The following TBC1D26 variants were observed in gnomAD, a reference collection of about 807,000 sequenced individuals.
TBC1D26 encodes the protein TBC1 domain family, member 26.
Under a neutral mutation model 42.5 loss-of-function variants are expected in TBC1D26, and 19 were observed. That is an observed-to-expected ratio of 0.45 (90% CI 0.31 to 0.66). The LOEUF is 0.66. Among genes scored for constraint, TBC1D26 ranks in the 30% least tolerant of loss-of-function variants. The pLI, the probability that TBC1D26 is intolerant of heterozygous loss-of-function variation, is 0.06. For synonymous variants in TBC1D26, 97 were observed against 123.5 expected (o/e 0.79, Z 1.42); for missense variants, 228 against 332.6 (o/e 0.69, Z 2.45).
chr17:15,741,388 C>T, intron 10 of TBC1D26, 167 bp downstream of exon 10: 1 of 1,261,534 alleles, frequency 7.9e-7, no homozygotes, highest in Middle Eastern at 2.8e-4. Flanking sequence ...GGTCCTACAG[C>T]AGCCTGGGTC....
intron 2 of TBC1D26, 55 bp from the exon 3 acceptor site, chr17:15,735,293 C>G (rs1324007725): frequency 7.3e-7 from 1 of 1,372,898 alleles, no homozygotes; most frequent in Admixed American, 1.9e-5. Context: ...TGTGGTTTGG[C>G]TGTTCTCTGG....
At chr17:15,741,587 A>G (rs1967782078) in intron 10 of TBC1D26, 2 of 457,740 alleles carry the variant, frequency 4.4e-6, no homozygotes, top group Non-Finnish European at 3.9e-6. Flanking sequence ...CTCCCTACAG[A>G]TGGGCCAACA....
chr17:15,742,271 G>A (rs1480751994), intron 11 of TBC1D26, 143 bp from the exon 12 acceptor site: 6 of 544,244 alleles, frequency 1.1e-5, no homozygotes, highest in South Asian at 2.1e-5. Context: ...TGTGTCCACC[G>A]GGCGTCCGTG....
In TBC1D26 at chr17:15,740,108, A is replaced by C. The variant is rs371149965; in HGVS notation, c.506A>C (p.Glu169Ala). 3.7e-6 allele frequency: 6 copies of C among 1,612,848 alleles called. No homozygotes were observed. In the African/African-American group the frequency reaches 8.0e-5, roughly 22 times the overall value. The change falls in exon 9 of 15, where the codon GAA becomes GCA. Residue 169 changes from glutamate to alanine, a missense_variant. Physicochemically the swap from Glu to Ala is moderately radical, Grantham distance 107. Coordinates refer to ENST00000437605, the MANE Select transcript of TBC1D26 (RefSeq NM_001388465.1). ...TTTCCCCTCTTTTCTAGGCAGCAGG[A>C]ATTATGTGACATCCTCGTGGCCTAT... ...FIQRFGVKQQ[E>A]LCDILVAYSA...
chr17:15,737,873 C>A lies in TBC1D26; in HGVS notation c.199-124C>A, dbSNP rs1306549190. 6 of 1,246,988 alleles carry A rather than the reference C, an allele frequency of 4.8e-6. No homozygotes were observed. In the Admixed American group the frequency reaches 7.6e-5, roughly 16 times the overall value. The allele number at this position is 1,246,988 out of a possible 1,614,324, so 77.2% of individuals were successfully genotyped here. A position where few individuals can be genotyped will look rare whatever the true frequency, so the allele number is the denominator to read the frequency against. On this transcript the variant is annotated intron_variant, in intron 5 of 14. Coordinates refer to ENST00000437605, the MANE Select transcript of TBC1D26 (RefSeq NM_001388465.1). ...CTTCAGAGGGTCTCAGCCCCTGGGG[C>A]CTGCCCTTTCCTGGCTTCTTCAAGT...
intron 13 of TBC1D26, 35 bp from the exon 14 acceptor site, chr17:15,743,332 G>A (rs1310688379): frequency 8.1e-6 from 8 of 982,614 alleles, no homozygotes; most frequent in Non-Finnish European, 8.5e-6. Flanking sequence ...CCCTCCCAGG[G>A]AACCCTCCTG....
In TBC1D26 at chr17:15,741,947, T is replaced by A. The variant is rs75518324; in HGVS notation, c.652T>A (p.Tyr218Asn). The A allele has an allele frequency of 1.2e-3, 1,871 of 1,613,974 alleles. 4 individuals carry two copies. The African/African-American group carries it at 0.021, about 18-fold the overall frequency. ...ATGGGTCGCGGGCTTCTCAGTATTCTACAGCCCAAATACTGCCTGGCTCGA... is the reference window on the plus strand; with the variant it reads ...ATGGGTCGCGGGCTTCTCAGTATTCAACAGCCCAAATACTGCCTGGCTCGA... ...WALTQLLAVF[Y>N]SPNTAWLERL... Residue 218 changes from tyrosine (Y) to asparagine (N), a missense_variant, in exon 11 of 15, where the codon TAC becomes AAC. Tyr to Asn is a moderately radical substitution (Grantham distance 143). Coordinates refer to ENST00000437605, the MANE Select transcript of TBC1D26 (RefSeq NM_001388465.1).
intron 11 of TBC1D26, 34 bp from the exon 12 acceptor site, chr17:15,742,380 A>AG: frequency 5.2e-6 from 2 of 385,362 alleles, no homozygotes; most frequent in Non-Finnish European, 9.6e-6. Context: ...AGGGCAGCCC[A>AG]GGGGGCCCTG....
At position 15,735,394 on chromosome 17, in the gene TBC1D26, G is replaced by A. The variant is rs1967586590; in HGVS notation, c.46G>A (p.Gly16Ser). 6.2e-7 allele frequency: 1 copy of A among 1,613,766 alleles called. No individual in the cohort carries two copies. Among genetic ancestry groups the A allele is most frequent in the Non-Finnish European group, 8.5e-7 (1 of 1,179,814 alleles). The stretch of plus-strand genomic sequence containing the variant: ...GTATAACCTGCCTGCCCAGGGGCAA[G>A]GCAATATCATCATTACTAAGTATGA... ...DPYNLPAQGQ[G>S]NIIITKYEQG... The change falls in exon 3 of 15, where the codon GGC (glycine) becomes AGC (serine). Residue 16 changes from glycine to serine, a missense_variant. Around this residue, in one of 5 missense-constraint regions of TBC1D26, gnomAD observed 18 missense variants for 22.5 expected, o/e 0.80. Coordinates refer to ENST00000437605, the MANE Select transcript of TBC1D26 (RefSeq NM_001388465.1).
chr17:15,740,691 A>T, intron 9 of TBC1D26: 2 of 1,086,316 alleles, frequency 1.8e-6, no homozygotes, highest in Admixed American at 4.8e-5. Flanking sequence ...TGGAGGACCC[A>T]GCCACCCCTT....
At chr17:15,736,945 C>T (rs1007772435) in intron 4 of TBC1D26, among the ~76,000 whole-genome samples, 17 of 152,146 alleles carry the variant, frequency 1.1e-4, no homozygotes, top group Non-Finnish European at 1.8e-4. Context: ...GCAGGGTGAG[C>T]GGCCAGGATG....
intron 10 of TBC1D26, 169 bp downstream of exon 10, chr17:15,741,390 G>A: frequency 8.0e-7 from 1 of 1,253,114 alleles, no homozygotes; most frequent in Non-Finnish European, 1.1e-6. Context: ...TCCTACAGCA[G>A]CCTGGGTCTG....
At position 15,741,965 on chromosome 17, in the gene TBC1D26, T is replaced by C. The variant is rs771647420; in HGVS notation, c.670T>C (p.Trp224Arg). The change falls in exon 11 of 15, where the codon TGG (tryptophan) becomes CGG (arginine). Residue 224 changes from tryptophan to arginine, a missense_variant. Trp to Arg is a moderately radical substitution (Grantham distance 101). This residue lies in a region of TBC1D26 where 130 missense variants were observed against 168.5 expected (regional missense o/e 0.77). Transcript: ENST00000437605. ...AGTATTCTACAGCCCAAATACTGCC[T>C]GGCTCGAGAGGCTCCTATCGCACCA... ...LAVFYSPNTA[W>R]LERLLSHQEQ... 2.5e-6 allele frequency: 4 copies of C among 1,614,098 alleles called. No homozygotes were observed. Among genetic ancestry groups the C allele is most frequent in the Non-Finnish European group, 3.4e-6 (4 of 1,179,992 alleles).
At chr17:15,733,884 T>C (rs1186208426) in intron 1 of TBC1D26, 1 of 152,260 alleles carries the variant, frequency 6.6e-6, no homozygotes, top group East Asian at 1.9e-4. Context: ...TCTGGTTCTG[T>C]GGTGCATGAA....
chr17:15,742,538 T>C (rs2003514), intron 12 of TBC1D26, 59 bp downstream of exon 12: 115,919 of 187,462 alleles, frequency 0.62, 36,231 homozygotes, highest in African/African-American at 0.69. Flanking sequence ...GTGCCCAGCT[T>C]CCTCAGCTCA....
rs369605314 is a variant in TBC1D26 at position 15,743,396 on chromosome 17, G to C, written c.937G>C (p.Val313Leu). ...KHLMKLSWST[V>L]WEFQERLSQS... ...CCTCATGAAGCTTTCCTGGAGCACTGTCTGGGAGTTTCAGGAGCGACTCTC... is the reference window on the plus strand; with the variant it reads ...CCTCATGAAGCTTTCCTGGAGCACTCTCTGGGAGTTTCAGGAGCGACTCTC... Residue 313 changes from valine to leucine, a missense_variant, in exon 14 of 15, where the codon GTC becomes CTC. Val to Leu is a conservative substitution (Grantham distance 32). Around this residue, in one of 5 missense-constraint regions of TBC1D26, gnomAD observed 130 missense variants for 168.5 expected, o/e 0.77. Transcript: ENST00000437605. The C allele has an allele frequency of 1.5e-5, 15 of 986,820 alleles. No homozygotes were observed. The highest frequency in any genetic ancestry group is 1.1e-4 in the East Asian group (1 of 8,824). 61.1% of individuals were successfully genotyped at this position (986,820 alleles called of 1,614,324 possible).
chr17:15,737,399 G>T, intron 4 of TBC1D26, 85 bp from the exon 5 acceptor site: 1 of 1,508,338 alleles, frequency 6.6e-7, no homozygotes. Context: ...ATGGGGGTAG[G>T]CTGGTCCTTC....
chr17:15,740,515 T>G, intron 9 of TBC1D26: 2 of 1,217,306 alleles, frequency 1.6e-6, no homozygotes, highest in Non-Finnish European at 2.1e-6. Flanking sequence ...GAGCCTCTTC[T>G]TCACTGGAAA....
intron 2 of TBC1D26, 62 bp from the exon 3 acceptor site, chr17:15,735,286 G>A (rs1967581965): frequency 8.6e-7 from 1 of 1,157,112 alleles, no homozygotes; most frequent in African/African-American, 1.5e-5. Context: ...CAGTGCGTGT[G>A]GTTTGGCTGT....
Sources: gnomAD v4.1 joint callset for allele counts (sites outside exome capture counted in the v4.1 genomes callset) on GRCh38, gnomAD v4.1.1 for gene constraint, gnomAD v4.1.1 regional missense constraint, MANE v1.5 for transcripts, NCBI Gene and HGNC (gene_info 2026-07-23, HGNC 2026-07-21) for gene names.